Variants in ERICH1 observed in about 807,000 individuals in gnomAD.
ERICH1 encodes glutamate-rich protein 1.
ERICH1 carries 56 observed loss-of-function variants against 39.6 expected under a neutral mutation model. The observed-to-expected ratio is 1.41, with a 90% CI of 1.14 to 1.77. The LOEUF is 1.77. ERICH1 is among the 40% of genes most tolerant of loss of function. ERICH1 has a pLI of 0.00. For missense variants in ERICH1, 826 were observed against 575.4 expected (o/e 1.44, Z -4.45); for synonymous variants, 313 against 223.6 (o/e 1.40, Z -3.57).
chr8:678,214 G>A (rs1160818836), intron 3 of ERICH1, among the ~76,000 whole-genome samples: 2 of 151,896 alleles, frequency 1.3e-5, no homozygotes, highest in Non-Finnish European at 2.9e-5. Flanking sequence ...TCCTTGGGTG[G>A]TCTAAGTATA....
chr8:725,887 C>A (rs370344853), intron 1 of ERICH1: 1 of 152,384 alleles, frequency 6.6e-6, no homozygotes, highest in Non-Finnish European at 1.5e-5. Flanking sequence ...TTCAGTCATT[C>A]ACTTGGGAAG....
At chr8:662,144 C>A (rs948288952), downstream of ERICH1, among the ~76,000 whole-genome samples, 4 of 151,860 alleles carry the variant, frequency 2.6e-5, no homozygotes, top group African/African-American at 9.7e-5. Context: ...ATGTGAACCA[C>A]CATCCCCTGC....
At chr8:724,288 C>T in intron 1 of ERICH1, among the ~76,000 whole-genome samples, 1 of 152,138 alleles carries the variant, frequency 6.6e-6, no homozygotes, top group South Asian at 2.1e-4. Flanking sequence ...CCAGCCCGGA[C>T]AACATAGTGA....
At chr8:653,337 T>C (rs1012932244) in intron 3 of ERICH1, among the ~76,000 whole-genome samples, 6 of 152,240 alleles carry the variant, frequency 3.9e-5, no homozygotes, top group African/African-American at 1.4e-4. Context: ...CAGACAGGAC[T>C]GAAAACCTAA....
intron 3 of ERICH1, chr8:656,776 C>T: frequency 2.0e-6 from 2 of 985,452 alleles, no homozygotes; most frequent in Non-Finnish European, 2.4e-6. Context: ...CCAAACGGTG[C>T]ACAGCAGTGG....
chr8:711,855 T>C (rs1012416517), intron 2 of ERICH1, among the ~76,000 whole-genome samples: 4 of 152,214 alleles, frequency 2.6e-5, no homozygotes, highest in Admixed American at 6.5e-5. Context: ...TCTATATTTT[T>C]ATGCATGTGG....
chr8:726,678 C>T (rs1307743422), intron 1 of ERICH1, among the ~76,000 whole-genome samples: 4 of 141,948 alleles, frequency 2.8e-5, no homozygotes, highest in African/African-American at 1.3e-4. Flanking sequence ...GACGTGTACA[C>T]AGGCACATCA....
intron 3 of ERICH1, among the ~76,000 whole-genome samples, chr8:618,541 G>A (rs1041624204): frequency 3.9e-5 from 6 of 152,342 alleles, no homozygotes; most frequent in Non-Finnish European, 7.3e-5. Context: ...AACTGAGTGA[G>A]TGACTGACAG....
chr8:670,184 G>C (rs1392269753), intron 4 of ERICH1, among the ~76,000 whole-genome samples: 1 of 152,108 alleles, frequency 6.6e-6, no homozygotes, highest in African/African-American at 2.4e-5. Context: ...CTGAATTTTA[G>C]TTACTATATT....
intron 3 of ERICH1, chr8:640,703 G>A (rs547345056): frequency 5.3e-5 from 8 of 152,152 alleles, no homozygotes; most frequent in Non-Finnish European, 4.4e-5. Flanking sequence ...AAGAGTCCAC[G>A]TAGGTTATAA....
intron 3 of ERICH1, among the ~76,000 whole-genome samples, chr8:632,875 C>T (rs577124467): frequency 1.2e-4 from 18 of 152,320 alleles, no homozygotes; most frequent in African/African-American, 3.8e-4. Context: ...GTGGAGACCA[C>T]GGATGCGGCT....
At chr8:691,439 C>A (rs1226502608) in intron 3 of ERICH1, among the ~76,000 whole-genome samples, 1 of 152,248 alleles carries the variant, frequency 6.6e-6, no homozygotes, top group Non-Finnish European at 1.5e-5. Flanking sequence ...GGAACATGAG[C>A]AGCATGGACA....
intron 1 of ERICH1, among the ~76,000 whole-genome samples, chr8:727,396 T>C (rs1036135073): frequency 6.6e-6 from 1 of 152,130 alleles, no homozygotes; most frequent in Non-Finnish European, 1.5e-5. Context: ...ATCCACTCCC[T>C]GAGGTGCAGG....
At chr8:710,705 G>A (rs187402253) in intron 2 of ERICH1, among the ~76,000 whole-genome samples, 1 of 152,310 alleles carries the variant, frequency 6.6e-6, no homozygotes, top group Non-Finnish European at 1.5e-5. Flanking sequence ...TGGCTTGACA[G>A]TTCATTTCTT....
intron 2 of ERICH1, among the ~76,000 whole-genome samples, chr8:707,485 G>T (rs1400537218): frequency 1.3e-5 from 2 of 152,132 alleles, no homozygotes; most frequent in African/African-American, 4.8e-5. Flanking sequence ...GGGACTACAG[G>T]TGTGAGCCAC....
intron 2 of ERICH1, among the ~76,000 whole-genome samples, chr8:700,020 C>T (rs1438905812): frequency 2.2e-5 from 3 of 138,346 alleles, no homozygotes; most frequent in Non-Finnish European, 4.6e-5. Flanking sequence ...CCCGCACACG[C>T]GCACAGACCC....
intron 3 of ERICH1, among the ~76,000 whole-genome samples, chr8:674,974 T>G (rs1412392759): frequency 6.6e-6 from 1 of 152,194 alleles, no homozygotes; most frequent in African/African-American, 2.4e-5. Flanking sequence ...ACTGTGGTGT[T>G]GCGGAACAGA....
chr8:651,226 G>C (rs1703910), intron 3 of ERICH1, among the ~76,000 whole-genome samples: 122 of 152,180 alleles, frequency 8.0e-4, no homozygotes, highest in Middle Eastern at 3.4e-3. Flanking sequence ...GTTAGTCCAG[G>C]GTTGGGAAGA....
chr8:691,307 A>T (rs1376603026), intron 3 of ERICH1, among the ~76,000 whole-genome samples: 1 of 152,244 alleles, frequency 6.6e-6, no homozygotes, highest in Non-Finnish European at 1.5e-5. Context: ...TGGTGCAAGT[A>T]TCTTTCCACT....
Sources: gnomAD v4.1 joint callset for allele counts (sites outside exome capture counted in the v4.1 genomes callset) on GRCh38, gnomAD v4.1.1 for gene constraint, MANE v1.5 for transcripts, NCBI Gene and HGNC (gene_info 2026-07-23, HGNC 2026-07-21) for gene names.